NWD2: variants seen among roughly 807,000 people sequenced by gnomAD.
NWD2 encodes NACHT and WD repeat domain containing 2.
NWD2 carries 37 observed loss-of-function variants against 132.7 expected under a neutral mutation model. The ratio of observed to expected loss-of-function variants is 0.28; its 90% CI spans 0.21 to 0.37. The LOEUF (loss-of-function observed/expected upper bound fraction) is 0.37. Among genes scored for constraint, NWD2 ranks in the 10% least tolerant of loss-of-function variants. The pLI, the probability that NWD2 is intolerant of heterozygous loss-of-function variation, is 1.00. For missense variants in NWD2, 1,592 were observed against 2,122.4 expected, an observed-to-expected ratio of 0.75 and a Z score of 4.91; for synonymous variants, 705 against 803.0, an observed-to-expected ratio of 0.88 and a Z score of 2.06.
intron 3 of NWD2, among the ~76,000 whole-genome samples, chr4:37,422,321 A>C (rs73133773): frequency 0.025 from 3,826 of 152,300 alleles, 119 homozygotes; most frequent in African/African-American, 0.065. Flanking sequence ...GTGACTCTGC[A>C]CATCTGTTGC....
intron 3 of NWD2, among the ~76,000 whole-genome samples, chr4:37,390,569 C>G (rs867242422): frequency 8.5e-5 from 13 of 152,120 alleles, no homozygotes; most frequent in African/African-American, 2.7e-4. Flanking sequence ...TTTATTTGGT[C>G]TCTAGTGTCA....
chr4:37,298,731 A>G (rs1330650706), intron 1 of NWD2, among the ~76,000 whole-genome samples: 1 of 152,200 alleles, frequency 6.6e-6, no homozygotes, highest in African/African-American at 2.4e-5. Flanking sequence ...GAGGAGCAAC[A>G]GCCTATATAG....
At chr4:37,397,981 A>G (rs1251814301) in intron 3 of NWD2, among the ~76,000 whole-genome samples, 1 of 152,216 alleles carries the variant, frequency 6.6e-6, no homozygotes, top group Non-Finnish European at 1.5e-5. Context: ...GTCATTGTCC[A>G]GAAACATGCA....
chr4:37,443,661 GC>G lies in NWD2; in HGVS notation c.1675del (p.Ile560SerfsTer10). ...NKHGILQKLR[C>X]LIHEEDNYIE... is the part of the protein sequence containing the mutation. ...CATGGGATCTTGCAGAAACTAAGGTGCCTTATCCATGAAGAAGACAACTACA... is the reference window on the plus strand; with the variant it reads ...CATGGGATCTTGCAGAAACTAAGGTGCTTATCCATGAAGAAGACAACTACA... On this transcript the variant is annotated frameshift_variant, in exon 7 of 7. Transcript: ENST00000309447. LOFTEE classifies it high-confidence loss of function. The surrounding 1 kb of genome is among the most constrained non-coding windows in gnomAD (Gnocchi z 4.1). 1 of 1,552,112 alleles carries G rather than the reference GC, an allele frequency of 6.4e-7. No individual in the cohort carries two copies. The highest frequency in any genetic ancestry group is 8.7e-7 in the Non-Finnish European group (1 of 1,147,118).
rs1712291792 is a variant in NWD2, at chr4:37,435,231, GA to G, written c.706+1216del. 2.6e-5 allele frequency among the ~76,000 whole-genome samples: 4 copies of G among 152,154 alleles called. No individual in the cohort carries two copies. In the South Asian group the frequency reaches 8.3e-4, roughly 32 times the overall value. On this transcript the variant is annotated intron_variant, in intron 5 of 6. Coordinates refer to ENST00000309447, the MANE Select transcript of NWD2 (RefSeq NM_001144990.2). ...AGTTGATAGTAAAAATTTATAAAGG[GA>G]AAAACTATAATAGCTGCGTTTTCAG...
rs145068199 is a variant in NWD2, at chr4:37,343,375, T to A, written c.241-12991T>A. Reference sequence around the variant, plus strand: ...TGAATATTTTTAGTGGTAGCAGATGTTAATCCTTTTATTAATAAGAAAAGA... The same window carrying A: ...TGAATATTTTTAGTGGTAGCAGATGATAATCCTTTTATTAATAAGAAAAGA... On this transcript the variant is annotated intron_variant, in intron 2 of 6. Coordinates refer to ENST00000309447, the MANE Select transcript of NWD2 (RefSeq NM_001144990.2). Among the ~76,000 whole-genome samples the A allele has an allele frequency of 6.6e-5, 10 of 152,372 alleles. No homozygotes were observed. The East Asian group carries it at 1.9e-3, about 29-fold the overall frequency.
intron 2 of NWD2, among the ~76,000 whole-genome samples, chr4:37,348,673 T>TAC (rs1326646007): frequency 0.038 from 1,077 of 28,026 alleles, 17 homozygotes; most frequent in Non-Finnish European, 0.05. Flanking sequence ...TATATATATA[T>TAC]ATACACACAC....
intron 3 of NWD2, among the ~76,000 whole-genome samples, chr4:37,398,642 G>A (rs1449338098): frequency 1.3e-5 from 2 of 152,138 alleles, no homozygotes; most frequent in East Asian, 1.9e-4. Context: ...CCCCTAAAAA[G>A]GACATCCTGC....
At chr4:37,313,923 C>T (rs1323403329) in intron 1 of NWD2, among the ~76,000 whole-genome samples, 1 of 151,062 alleles carries the variant, frequency 6.6e-6, no homozygotes, top group Non-Finnish European at 1.5e-5. Context: ...GTCTCGATCT[C>T]CTGACCTCAT....
At chr4:37,407,737 A>C (rs941470780) in intron 3 of NWD2, among the ~76,000 whole-genome samples, 1 of 152,222 alleles carries the variant, frequency 6.6e-6, no homozygotes, top group Non-Finnish European at 1.5e-5. Flanking sequence ...TATCCTTGAT[A>C]GGGCAACATG....
At chr4:37,395,283 A>G (rs1255961075) in intron 3 of NWD2, among the ~76,000 whole-genome samples, 3 of 152,076 alleles carry the variant, frequency 2.0e-5, no homozygotes, top group Admixed American at 2.0e-4. Flanking sequence ...TACAACCAGC[A>G]TACTGAAGGG....
chr4:37,351,304 G>T (rs1719756097), intron 2 of NWD2, among the ~76,000 whole-genome samples: 5 of 152,226 alleles, frequency 3.3e-5, no homozygotes, highest in African/African-American at 1.2e-4. Context: ...GAATCCATCT[G>T]GTCCTGGACT....
intron 1 of NWD2, among the ~76,000 whole-genome samples, chr4:37,311,158 A>T (rs1054036971): frequency 1.3e-5 from 2 of 152,086 alleles, no homozygotes; most frequent in African/African-American, 4.8e-5. Flanking sequence ...CAGTAATGGG[A>T]TGGCTGGGTC....
In NWD2 at chr4:37,420,597, C is replaced by T. The variant is rs141967850; in HGVS notation, c.358-9975C>T. ...ACTCAGGAGGCTGAGACAGGAGAAT[C>T]GCTTGAACCCAGAAGGTGGAGGTTG... On this transcript the variant is annotated intron_variant, in intron 3 of 6. Coordinates refer to ENST00000309447, the MANE Select transcript of NWD2 (RefSeq NM_001144990.2). 4.5e-3 allele frequency among the ~76,000 whole-genome samples: 686 copies of T among 152,278 alleles called. 2 individuals carry two copies. Among genetic ancestry groups the T allele is most frequent in the African/African-American group, 0.016 (646 of 41,564 alleles).
chr4:37,422,601 A>T (rs990751405), intron 3 of NWD2, among the ~76,000 whole-genome samples: 7 of 152,128 alleles, frequency 4.6e-5, no homozygotes, highest in African/African-American at 1.7e-4. Context: ...TATGCCATAT[A>T]TATGTGTTTC....
intron 3 of NWD2, among the ~76,000 whole-genome samples, chr4:37,418,470 G>C (rs1157718441): frequency 6.6e-6 from 1 of 151,946 alleles, no homozygotes; most frequent in African/African-American, 2.4e-5. Flanking sequence ...CTTCTAACGA[G>C]TACAGTATGA....
At chr4:37,298,699 C>T (rs1256068658) in intron 1 of NWD2, among the ~76,000 whole-genome samples, 1 of 152,046 alleles carries the variant, frequency 6.6e-6, no homozygotes, top group Non-Finnish European at 1.5e-5. Context: ...TTTATTCAGA[C>T]AAGGATCATC....
At chr4:37,366,315 G>C (rs956901728) in intron 3 of NWD2, among the ~76,000 whole-genome samples, 8 of 152,104 alleles carry the variant, frequency 5.3e-5, no homozygotes, top group African/African-American at 1.4e-4. Context: ...AACTGCAACC[G>C]AGCCGCGGCC....
At chr4:37,275,701 A>G (rs1237090956) in intron 1 of NWD2, among the ~76,000 whole-genome samples, 3 of 152,106 alleles carry the variant, frequency 2.0e-5, no homozygotes, top group Non-Finnish European at 4.4e-5. Flanking sequence ...AGTAACCAAA[A>G]CAGCATGGTC....
Sources: allele counts gnomAD v4.1 joint callset (sites outside exome capture counted in the v4.1 genomes callset), GRCh38; gene constraint gnomAD v4.1.1; non-coding constraint Gnocchi (gnomAD v3.1); transcripts MANE v1.5; gene names NCBI Gene and HGNC (gene_info 2026-07-23, HGNC 2026-07-21).